Variants in TMCC1 observed in about 807,000 individuals in gnomAD.
TMCC1 encodes transmembrane and coiled-coil domain family 1.
TMCC1 carries 15 observed loss-of-function variants against 52.4 expected under a neutral mutation model. The ratio of observed to expected loss-of-function variants is 0.29; its 90% CI spans 0.19 to 0.44. The LOEUF is 0.44. Ranked by LOEUF, TMCC1 falls within the 20% of genes least tolerant of loss-of-function variation. The pLI is 1.00. For synonymous variants in TMCC1, 279 were observed against 301.9 expected (o/e 0.92, Z 0.79); for missense variants, 503 against 806.0 (o/e 0.62, Z 4.55).
intron 2 of TMCC1, among the ~76,000 whole-genome samples, chr3:129,879,496 T>C (rs1157416825): frequency 3.3e-5 from 5 of 152,132 alleles, no homozygotes; most frequent in Non-Finnish European, 4.4e-5. Flanking sequence ...ACAACAGATA[T>C]ACCTATAACT....
chr3:129,876,275 A>C (rs934419687), intron 2 of TMCC1, among the ~76,000 whole-genome samples: 6 of 150,764 alleles, frequency 4.0e-5, no homozygotes, highest in African/African-American at 1.5e-4. Context: ...ACCCAGGTTT[A>C]ATGCCTGGCT....
intron 4 of TMCC1, among the ~76,000 whole-genome samples, chr3:129,715,833 A>G (rs1015555522): frequency 3.3e-5 from 5 of 152,138 alleles, no homozygotes; most frequent in African/African-American, 1.2e-4. Flanking sequence ...TCACTGTTTC[A>G]TTCTTATTAT....
intron 2 of TMCC1, among the ~76,000 whole-genome samples, chr3:129,844,669 T>G (rs977812035): frequency 6.6e-6 from 1 of 152,154 alleles, no homozygotes; most frequent in Non-Finnish European, 1.5e-5. Flanking sequence ...CTAACACTAT[T>G]TCTGCATCTT....
chr3:129,742,279 T>C (rs1009465134), intron 4 of TMCC1, among the ~76,000 whole-genome samples: 1 of 151,968 alleles, frequency 6.6e-6, no homozygotes, highest in African/African-American at 2.4e-5. Flanking sequence ...ATTAACAAAG[T>C]GAAAAGATAA....
intron 4 of TMCC1, among the ~76,000 whole-genome samples, chr3:129,729,047 G>A (rs1192250659): frequency 6.6e-6 from 1 of 152,028 alleles, no homozygotes; most frequent in Non-Finnish European, 1.5e-5. Context: ...GGATTTCATA[G>A]AAATGTAAGT....
At chr3:129,709,279 A>G (rs963895451) in intron 4 of TMCC1, among the ~76,000 whole-genome samples, 2 of 151,746 alleles carry the variant, frequency 1.3e-5, no homozygotes, top group East Asian at 3.9e-4. Context: ...CCTGGGCAAC[A>G]TGGTGAGACC....
intron 4 of TMCC1, among the ~76,000 whole-genome samples, chr3:129,710,224 G>GT (rs2048570540): frequency 6.6e-6 from 1 of 152,142 alleles, no homozygotes; most frequent in African/African-American, 2.4e-5. Flanking sequence ...CAAAAACTGT[G>GT]TAAGTACTAA....
At chr3:129,858,671 C>T (rs923025951) in intron 2 of TMCC1, among the ~76,000 whole-genome samples, 7 of 152,102 alleles carry the variant, frequency 4.6e-5, no homozygotes, top group Non-Finnish European at 8.8e-5. Context: ...CACACATGGC[C>T]ATTATTTTTT....
intron 4 of TMCC1, among the ~76,000 whole-genome samples, chr3:129,794,929 G>A (rs1329666314): frequency 6.6e-6 from 1 of 152,188 alleles, no homozygotes; most frequent in African/African-American, 2.4e-5. Context: ...TGAAAAAAAA[G>A]GAGGTGGTGA....
At chr3:129,850,040 C>G (rs1315762741) in intron 2 of TMCC1, among the ~76,000 whole-genome samples, 3 of 151,982 alleles carry the variant, frequency 2.0e-5, no homozygotes, top group Non-Finnish European at 4.4e-5. Flanking sequence ...ATTTTACCAA[C>G]ATTCTGCATT....
chr3:129,749,775 A>G (rs1576677322), intron 4 of TMCC1, among the ~76,000 whole-genome samples: 1 of 152,236 alleles, frequency 6.6e-6, no homozygotes, highest in Non-Finnish European at 1.5e-5. Context: ...AGGCAAATCA[A>G]TGTTCCAGAA....
At chr3:129,860,429 G>GA (rs778958628) in intron 2 of TMCC1, among the ~76,000 whole-genome samples, 1 of 151,890 alleles carries the variant, frequency 6.6e-6, no homozygotes, top group African/African-American at 2.4e-5. Flanking sequence ...GCGGTGGGGG[G>GA]AAACGGGTAA....
chr3:129,797,670 G>A (rs550839047), intron 4 of TMCC1, among the ~76,000 whole-genome samples: 1 of 151,816 alleles, frequency 6.6e-6, no homozygotes, highest in Admixed American at 6.6e-5. Flanking sequence ...ACTCGAGTAT[G>A]GGAGGTGGGA....
chr3:129,870,734 G>T lies in TMCC1; in HGVS notation c.-184+9575C>A, dbSNP rs1419098410. Among the ~76,000 whole-genome samples the T allele has an allele frequency of 4.9e-5, 2 of 41,006 alleles. 1 individual carries two copies. The highest frequency in any genetic ancestry group is 1.3e-4 in the Non-Finnish European group (2 of 15,282). 26.9% of individuals were successfully genotyped at this position (41,006 alleles called of 152,430 possible). On this transcript the variant is annotated intron_variant, in intron 2 of 6. Coordinates refer to ENST00000393238, the MANE Select transcript of TMCC1 (RefSeq NM_001017395.5). ...GCGGGTTGGCGGGGGGGGGGGGGGG[G>T]GGGCGACAGAGCAAGACTCCATCTC...
chr3:129,780,627 C>A (rs1452324521), intron 4 of TMCC1, among the ~76,000 whole-genome samples: 2 of 152,108 alleles, frequency 1.3e-5, no homozygotes, highest in African/African-American at 4.8e-5. Flanking sequence ...CCTCAGCTTG[C>A]CCCAAATCTC....
intron 2 of TMCC1, among the ~76,000 whole-genome samples, chr3:129,857,654 C>T (rs886908912): frequency 6.6e-5 from 10 of 151,974 alleles, no homozygotes; most frequent in Non-Finnish European, 1.2e-4. Flanking sequence ...CTCCGCCTCC[C>T]GGGTTCACAC....
intron 4 of TMCC1, among the ~76,000 whole-genome samples, chr3:129,762,065 C>A (rs1219942009): frequency 7.7e-6 from 1 of 129,422 alleles, no homozygotes; most frequent in African/African-American, 2.9e-5. Context: ...GAGACAGAGT[C>A]TTGCTCTGTC....
At chr3:129,889,178 C>G (rs1001336310) in intron 1 of TMCC1, among the ~76,000 whole-genome samples, 1 of 152,026 alleles carries the variant, frequency 6.6e-6, no homozygotes, top group Admixed American at 6.6e-5. Flanking sequence ...ACATTGAGGT[C>G]AGAGGATCAC....
intron 4 of TMCC1, among the ~76,000 whole-genome samples, chr3:129,738,667 C>A (rs1446782460): frequency 3.9e-5 from 6 of 152,102 alleles, no homozygotes; most frequent in Non-Finnish European, 8.8e-5. Flanking sequence ...AGTTTTCTAG[C>A]AACCAAAGCA....
Sources: allele counts gnomAD v4.1 joint callset (sites outside exome capture counted in the v4.1 genomes callset), GRCh38; gene constraint gnomAD v4.1.1; transcripts MANE v1.5; gene names NCBI Gene and HGNC (gene_info 2026-07-23, HGNC 2026-07-21).